The following CHRM2 variants were observed in gnomAD, a reference collection of about 807,000 sequenced individuals.
The protein encoded by CHRM2 is muscarinic acetylcholine receptor M2.
A neutral mutation model predicts 25.0 loss-of-function variants in CHRM2; 8 were observed. That is an observed-to-expected ratio of 0.32 (90% CI 0.19 to 0.58). The LOEUF (loss-of-function observed/expected upper bound fraction) is 0.58. Ranked by LOEUF, CHRM2 falls within the 20% of genes least tolerant of loss-of-function variation. The probability of loss-of-function intolerance (pLI) is 0.88; values close to 1 mark genes in which losing one functional copy is unlikely to be tolerated. For missense variants in CHRM2, 440 were observed against 567.1 expected (o/e 0.78, Z 2.28); for synonymous variants, 202 against 205.7 (o/e 0.98, Z 0.15).
chr7:137,008,641 G>T (rs536311425), intron 3 of CHRM2, among the ~76,000 whole-genome samples: 2 of 151,930 alleles, frequency 1.3e-5, no homozygotes, highest in African/African-American at 4.8e-5. Context: ...TCAAATAGCA[G>T]CAGAATTAAA....
chr7:136,930,201 C>G (rs560041094), intron 2 of CHRM2, among the ~76,000 whole-genome samples: 1 of 151,466 alleles, frequency 6.6e-6, no homozygotes. Flanking sequence ...GGGAAGCCGA[C>G]GTGGGCAGAT....
Position 137,015,952 on chromosome 7 carries a change from C to G in CHRM2, c.1087C>G (p.Arg363Gly). 6.2e-7 allele frequency: 1 copy of G among 1,613,008 alleles called. No homozygotes were observed. The highest frequency in any genetic ancestry group is 8.5e-7 in the Non-Finnish European group (1 of 1,179,428). The stretch of plus-strand genomic sequence containing the variant: ...AGATGAAAAGCAGAATATTGTAGCC[C>G]GCAAGATTGTGAAGATGACTAAGCA... ...NGDEKQNIVA[R>G]KIVKMTKQPA... Residue 363 changes from arginine to glycine, a missense_variant, in exon 4 of 4, where the codon CGC (arginine) becomes GGC (glycine). Coordinates refer to ENST00000680005, the MANE Select transcript of CHRM2 (RefSeq NM_001006630.2). The surrounding 1 kb of genome is among the most constrained non-coding windows in gnomAD (Gnocchi z 5.1).
chr7:136,903,144 G>A (rs949300513), intron 2 of CHRM2: 1 of 534,090 alleles, frequency 1.9e-6, no homozygotes, highest in South Asian at 1.4e-5. Context: ...CAACGGTGGT[G>A]AAGAGGATCT....
intron 2 of CHRM2, among the ~76,000 whole-genome samples, chr7:136,913,458 G>A (rs1223482176): frequency 1.3e-5 from 2 of 151,832 alleles, no homozygotes; most frequent in Non-Finnish European, 2.9e-5. Context: ...TAGTTTTGAG[G>A]AGATATTTCT....
intron 2 of CHRM2, among the ~76,000 whole-genome samples, chr7:136,879,652 T>A (rs1370403411): frequency 6.6e-6 from 1 of 151,934 alleles, no homozygotes; most frequent in Non-Finnish European, 1.5e-5. Context: ...AGGGCCCTAA[T>A]TAATTAAAGT....
intron 2 of CHRM2, among the ~76,000 whole-genome samples, chr7:136,894,482 C>T (rs1563050134): frequency 6.6e-6 from 1 of 152,088 alleles, no homozygotes; most frequent in African/African-American, 2.4e-5. Context: ...AGCAATTCTC[C>T]TGCCTCAGCC....
At chr7:136,996,399 A>C (rs970478563) in intron 3 of CHRM2, among the ~76,000 whole-genome samples, 1 of 152,118 alleles carries the variant, frequency 6.6e-6, no homozygotes, top group Non-Finnish European at 1.5e-5. Flanking sequence ...ATTATAGCTA[A>C]AACTTCAAAC....
At chr7:136,881,732 C>A (rs965179035) in intron 2 of CHRM2, among the ~76,000 whole-genome samples, 1 of 151,966 alleles carries the variant, frequency 6.6e-6, no homozygotes, top group African/African-American at 2.4e-5. Context: ...CAACAAAAAT[C>A]TTTCACTTCT....
chr7:136,949,934 G>A (rs1360168946), intron 2 of CHRM2, among the ~76,000 whole-genome samples: 1 of 152,048 alleles, frequency 6.6e-6, no homozygotes, highest in Non-Finnish European at 1.5e-5. Flanking sequence ...CATGAGATAA[G>A]ACCAAACTGT....
intron 3 of CHRM2, among the ~76,000 whole-genome samples, chr7:137,000,547 AGAAGGAAGGAAGGAAG>A (rs780148176): frequency 1.5e-4 from 14 of 95,172 alleles, no homozygotes; most frequent in Non-Finnish European, 2.3e-4. Context: ...AAAGAAAGAA[AGAAGGAAGGAAGGAAG>A]GAAGGAAGGA....
At chr7:136,923,528 G>A (rs376290898) in intron 2 of CHRM2, among the ~76,000 whole-genome samples, 2 of 152,032 alleles carry the variant, frequency 1.3e-5, no homozygotes, top group African/African-American at 2.4e-5. Flanking sequence ...AGAGAGTTGA[G>A]TAGCTTCTTA....
At chr7:136,894,277 C>A (rs886882381) in intron 2 of CHRM2, among the ~76,000 whole-genome samples, 1 of 152,040 alleles carries the variant, frequency 6.6e-6, no homozygotes, top group Non-Finnish European at 1.5e-5. Flanking sequence ...TGAACAAAAC[C>A]GATCCCAAAT....
chr7:136,907,443 G>A (rs1797616889), intron 2 of CHRM2, among the ~76,000 whole-genome samples: 1 of 151,934 alleles, frequency 6.6e-6, no homozygotes, highest in Non-Finnish European at 1.5e-5. Context: ...GGATGTTTGT[G>A]AGAAATAGTC....
In CHRM2 at chr7:136,972,555, G is replaced by GA. The variant is rs144044776; in HGVS notation, c.-124-19622dup. Among the ~76,000 whole-genome samples the GA allele has an allele frequency of 8.9e-4, 132 of 148,622 alleles. 8 individuals carry two copies. Among genetic ancestry groups the GA allele is most frequent in the Admixed American group, 4.7e-4 (7 of 14,928 alleles). On this transcript the variant is annotated intron_variant, in intron 2 of 3. Transcript: ENST00000680005. The stretch of plus-strand genomic sequence containing the variant: ...TTCTCAGATTTAATTTCTTATGAAA[G>GA]AAAAAAAAAATATGGTTGATAGTTC...
At chr7:136,931,577 C>A (rs1179279754) in intron 2 of CHRM2, among the ~76,000 whole-genome samples, 1 of 152,168 alleles carries the variant, frequency 6.6e-6, no homozygotes, top group Admixed American at 6.5e-5. Context: ...GAAACAGTTA[C>A]CAGCACCTCC....
intron 2 of CHRM2, among the ~76,000 whole-genome samples, chr7:136,880,965 T>C (rs1796243136): frequency 6.6e-6 from 1 of 151,648 alleles, no homozygotes; most frequent in Non-Finnish European, 1.5e-5. Context: ...AGGTATATTA[T>C]TCTTCATCTT....
intron 2 of CHRM2, among the ~76,000 whole-genome samples, chr7:136,924,789 T>C (rs902019195): frequency 6.6e-6 from 1 of 152,176 alleles, no homozygotes; most frequent in African/African-American, 2.4e-5. Context: ...CCAATTGTCA[T>C]GAAGCTCCTT....
rs149397451 is a variant in CHRM2 at position 136,974,426 on chromosome 7, T to C, written c.-124-17761T>C. Among the ~76,000 whole-genome samples, 399 of 152,124 alleles carry C rather than the reference T, an allele frequency of 2.6e-3. 2 individuals carry two copies. The highest frequency in any genetic ancestry group is 9.5e-3 in the African/African-American group (393 of 41,488). ...TGGAAATACATAAAATGTATGAAAA[T>C]TGGAGGAAATAGCATCTAAGTTTCA... On this transcript the variant is annotated intron_variant, in intron 2 of 3. Transcript: ENST00000680005.
intron 2 of CHRM2, among the ~76,000 whole-genome samples, chr7:136,884,524 T>C (rs1348213814): frequency 6.6e-6 from 1 of 150,904 alleles, no homozygotes; most frequent in East Asian, 1.9e-4. Flanking sequence ...TTTGTTTTTT[T>C]ATCAGGGGAA....
Sources: gnomAD v4.1 joint callset for allele counts (sites outside exome capture counted in the v4.1 genomes callset) on GRCh38, gnomAD v4.1.1 for gene constraint, Gnocchi (gnomAD v3.1) non-coding constraint, MANE v1.5 for transcripts, NCBI Gene and HGNC (gene_info 2026-07-23, HGNC 2026-07-21) for gene names.